ZNF140: variants seen among roughly 807,000 people sequenced by gnomAD.
ZNF140 encodes the protein zinc finger protein 140.
In ZNF140, 13 loss-of-function variants were observed where a neutral mutation model predicts 12.9. The observed-to-expected ratio is 1.01, with a 90% confidence interval of 0.66 to 1.60. The LOEUF (loss-of-function observed/expected upper bound fraction) is 1.60, where lower values mean the gene tolerates loss of function less well. Ranked by LOEUF, ZNF140 falls within the 40% of genes most tolerant of loss-of-function variation. The pLI is 0.00. For missense variants in ZNF140, 531 were observed against 548.8 expected, an observed-to-expected ratio of 0.97 and a Z score of 0.32; for synonymous variants, 214 against 186.7, an observed-to-expected ratio of 1.15 and a Z score of -1.19.
intron 4 of ZNF140, among the ~76,000 whole-genome samples, chr12:133,105,302 C>T (rs908762612): frequency 5.3e-5 from 8 of 152,330 alleles, no homozygotes; most frequent in Admixed American, 5.2e-4. Flanking sequence ...CTTACGTTTA[C>T]ACTTTCTCTT....
chr12:133,081,139 A>C, intron 1 of ZNF140, 67 bp downstream of exon 1: 1 of 303,306 alleles, frequency 3.3e-6, no homozygotes, highest in Non-Finnish European at 6.6e-6. Context: ...TCCAAGCGCG[A>C]TCTCTCAGGG....
chr12:133,103,854 T>C (rs901655756), intron 4 of ZNF140, among the ~76,000 whole-genome samples: 7 of 152,216 alleles, frequency 4.6e-5, no homozygotes, highest in Non-Finnish European at 8.8e-5. Context: ...AGGTACTCAG[T>C]AGATACAGAA....
intron 4 of ZNF140, among the ~76,000 whole-genome samples, chr12:133,091,082 T>C (rs1455334774): frequency 1.3e-5 from 2 of 149,138 alleles, no homozygotes; most frequent in Non-Finnish European, 3.0e-5. Context: ...GCTTTCCTCT[T>C]TTACTCATCC....
chr12:133,097,297 T>C (rs1412217254), intron 4 of ZNF140, among the ~76,000 whole-genome samples: 1 of 152,208 alleles, frequency 6.6e-6, no homozygotes, highest in Non-Finnish European at 1.5e-5. Context: ...TGATGCACTC[T>C]GACAATGTCT....
chr12:133,105,097 A>C, intron 4 of ZNF140, among the ~76,000 whole-genome samples: 1 of 152,326 alleles, frequency 6.6e-6, no homozygotes, highest in East Asian at 1.9e-4. Flanking sequence ...AAGATGTTCC[A>C]GAGGCACTAA....
At chr12:133,102,750 T>TAAAAAA (rs150988045) in intron 4 of ZNF140, among the ~76,000 whole-genome samples, 5 of 136,750 alleles carry the variant, frequency 3.7e-5, no homozygotes, top group African/African-American at 1.1e-4. Context: ...CTCCGTTTCT[T>TAAAAAA]AAAAAAAAAA....
rs145975668 is a variant in ZNF140, at chr12:133,106,600, T to G, written c.1323T>G (p.Tyr441Ter). The change falls in exon 5 of 5, where the codon TAT becomes TAG. Residue 441 changes from tyrosine (Y) to a stop codon, truncating the protein, a stop_gained. Coordinates refer to ENST00000355557, the MANE Select transcript of ZNF140 (RefSeq NM_003440.4). LOFTEE classifies it low-confidence loss of function (END_TRUNC). ...HQRTHTLDNP[Y>*]EYENSFNYHS... Reference sequence around the variant, plus strand: ...GGACACACACTCTTGACAACCCCTATGAATATGAAAATTCATTTAATTACC... The same window carrying G: ...GGACACACACTCTTGACAACCCCTAGGAATATGAAAATTCATTTAATTACC... 75 of 1,607,826 alleles carry G rather than the reference T, an allele frequency of 4.7e-5. No individual in the cohort carries two copies. The African/African-American group carries it at 9.4e-4, about 20-fold the overall frequency.
chr12:133,090,310 T>A (rs1954813138), intron 4 of ZNF140, among the ~76,000 whole-genome samples: 1 of 152,030 alleles, frequency 6.6e-6, no homozygotes, highest in African/African-American at 2.4e-5. Flanking sequence ...GACTAAATAT[T>A]TTATTTTTTA....
chr12:133,088,245 A>T (rs955990546), intron 4 of ZNF140, among the ~76,000 whole-genome samples: 25 of 152,298 alleles, frequency 1.6e-4, no homozygotes, highest in African/African-American at 5.1e-4. Flanking sequence ...ATTTCACTGC[A>T]CTAAAAATTC....
At chr12:133,101,627 G>T (rs1252863918) in intron 4 of ZNF140, among the ~76,000 whole-genome samples, 1 of 151,992 alleles carries the variant, frequency 6.6e-6, no homozygotes, top group Admixed American at 6.6e-5. Flanking sequence ...TGTATTTTTA[G>T]TAGAGACGGG....
At chr12:133,095,612 C>T (rs951701798) in intron 4 of ZNF140, among the ~76,000 whole-genome samples, 7 of 151,784 alleles carry the variant, frequency 4.6e-5, no homozygotes, top group Admixed American at 2.6e-4. Flanking sequence ...ATACCAAGGA[C>T]CTGCACCAGC....
At chr12:133,089,022 C>G (rs1306722675) in intron 4 of ZNF140, among the ~76,000 whole-genome samples, 3 of 151,990 alleles carry the variant, frequency 2.0e-5, no homozygotes, top group Admixed American at 2.0e-4. Flanking sequence ...CTGTCATTTT[C>G]TTTTCTTATA....
chr12:133,086,517 T>C (rs1187310922), intron 4 of ZNF140, among the ~76,000 whole-genome samples: 1 of 152,228 alleles, frequency 6.6e-6, no homozygotes, highest in African/African-American at 2.4e-5. Context: ...GATTCTTTTA[T>C]TGATTTGTAG....
chr12:133,095,860 A>G (rs923291017), intron 4 of ZNF140, among the ~76,000 whole-genome samples: 280 of 151,682 alleles, frequency 1.8e-3, no homozygotes, highest in South Asian at 2.5e-3. Context: ...AGGCAGCATT[A>G]CTGCAAACAT....
At position 133,105,646 on chromosome 12, in the gene ZNF140, C is replaced by T. The variant is rs1355201028; in HGVS notation, c.369C>T (p.Cys123=). 1 of 1,614,094 alleles carries T rather than the reference C, an allele frequency of 6.2e-7. No individual in the cohort carries two copies. Among genetic ancestry groups the T allele is most frequent in the South Asian group, 1.1e-5 (1 of 91,076 alleles). The change falls in exon 5 of 5, where the codon TGC becomes TGT. Residue 123 remains cysteine, a synonymous_variant. Transcript: ENST00000355557. ...CCAGTTTTAAAGGAGGCTGGAAATGCAAGGATCATACTGAGATGCTGCAAG... is the reference window on the plus strand; with the variant it reads ...CCAGTTTTAAAGGAGGCTGGAAATGTAAGGATCATACTGAGATGCTGCAAG... ...VYSSFKGGWK[C]KDHTEMLQEN...
rs984193650 is a variant in ZNF140 at position 133,090,849 on chromosome 12, G to C, written c.232+7288G>C. On this transcript the variant is annotated intron_variant, in intron 4 of 4. Coordinates refer to ENST00000355557, the MANE Select transcript of ZNF140 (RefSeq NM_003440.4). Reference sequence around the variant, plus strand: ...GGTTTAAGGGAAGGTACTATGCCTAGATGTGCATGTAATCCAGATTTATGT... The same window carrying C: ...GGTTTAAGGGAAGGTACTATGCCTACATGTGCATGTAATCCAGATTTATGT... Among the ~76,000 whole-genome samples, 113 of 129,334 alleles carry C rather than the reference G, an allele frequency of 8.7e-4. 2 individuals carry two copies. Among genetic ancestry groups the C allele is most frequent in the African/African-American group, 1.5e-3 (53 of 35,724 alleles). The allele number at this position is 129,334 out of a possible 152,430, so 84.8% of individuals were successfully genotyped here.
At chr12:133,096,000 G>A (rs995455793) in intron 4 of ZNF140, among the ~76,000 whole-genome samples, 3 of 151,096 alleles carry the variant, frequency 2.0e-5, no homozygotes, top group Non-Finnish European at 3.0e-5. Flanking sequence ...TATCTCAACT[G>A]CAAGAGGCTT....
At chr12:133,097,924 C>T (rs1955194945) in intron 4 of ZNF140, among the ~76,000 whole-genome samples, 1 of 151,716 alleles carries the variant, frequency 6.6e-6, no homozygotes, top group Admixed American at 6.6e-5. Context: ...GCGACCTCCC[C>T]CTCCTGGGTT....
chr12:133,104,198 G>A (rs1349654104), intron 4 of ZNF140, among the ~76,000 whole-genome samples: 1 of 152,156 alleles, frequency 6.6e-6, no homozygotes, highest in African/African-American at 2.4e-5. Context: ...ATAGTACAAA[G>A]AATGTTCACA....
Sources: gnomAD v4.1 joint callset for allele counts (sites outside exome capture counted in the v4.1 genomes callset) on GRCh38, gnomAD v4.1.1 for gene constraint, MANE v1.5 for transcripts, NCBI Gene and HGNC (gene_info 2026-07-23, HGNC 2026-07-21) for gene names.